The following SPATA19 variants were observed in gnomAD, a reference collection of about 807,000 sequenced individuals.
The protein encoded by SPATA19 is spermatogenesis-associated protein 19, mitochondrial.
A neutral mutation model predicts 25.0 loss-of-function variants in SPATA19; 19 were observed. The ratio of observed to expected loss-of-function variants is 0.76; its 90% confidence interval spans 0.53 to 1.11. The LOEUF (loss-of-function observed/expected upper bound fraction) is 1.11. SPATA19 is among the 50% of genes most tolerant of loss of function. The pLI is 0.00. For synonymous variants in SPATA19, 64 were observed against 69.3 expected (o/e 0.92, Z 0.38); for missense variants, 222 against 211.4 (o/e 1.05, Z -0.31).
rs1377463285 is a variant in SPATA19 at position 133,842,174 on chromosome 11, G to C, written c.438-69C>G. 5 of 1,481,364 alleles carry C rather than the reference G, an allele frequency of 3.4e-6. No homozygotes were observed. In the East Asian group the frequency reaches 6.8e-5, roughly 20 times the overall value. 91.8% of individuals were successfully genotyped at this position (1,481,364 alleles called of 1,614,324 possible). On this transcript the variant is annotated intron_variant, in intron 5 of 6. Coordinates refer to ENST00000299140, the MANE Select transcript of SPATA19 (RefSeq NM_174927.3). ...TGATAGCAGAGCCTACCCAGACCAC[G>C]GCACAGGGGCTGCGGTGGGAGGGCA...
At chr11:133,845,295 A>T in intron 1 of SPATA19, 74 bp downstream of exon 1, 1 of 1,413,906 alleles carries the variant, frequency 7.1e-7, no homozygotes, top group Non-Finnish European at 9.8e-7. Flanking sequence ...GATCTCTATG[A>T]AGTGCAGCAG....
Position 133,842,402 on chromosome 11 carries a change from G to T in SPATA19, c.437+83C>A, listed in dbSNP as rs530987917. 41 of 1,031,540 alleles carry T rather than the reference G, an allele frequency of 4.0e-5. No individual in the cohort carries two copies. The African/African-American group carries it at 5.8e-4, about 15-fold the overall frequency. 63.9% of individuals were successfully genotyped at this position (1,031,540 alleles called of 1,614,324 possible). Reference sequence around the variant, plus strand: ...GGCATACCAGAGATAGCATTGCTGGGTGTGGGCGGGAAACCCAGCAGTCAC... The same window carrying T: ...GGCATACCAGAGATAGCATTGCTGGTTGTGGGCGGGAAACCCAGCAGTCAC... On this transcript the variant is annotated intron_variant, in intron 5 of 6. Coordinates refer to ENST00000299140, the MANE Select transcript of SPATA19 (RefSeq NM_174927.3).
At position 133,845,482 on chromosome 11, in the gene SPATA19, T is replaced by G; in HGVS notation, c.-36A>C. 1 of 1,611,026 alleles carries G rather than the reference T, an allele frequency of 6.2e-7. No homozygotes were observed. The highest frequency in any genetic ancestry group is 8.5e-7 in the Non-Finnish European group (1 of 1,178,012). On this transcript the variant is annotated 5_prime_UTR_variant, in exon 1 of 7. Transcript: ENST00000299140. ...ATACCAGGCCCCCTTCTTGGCTCCC[T>G]CCTTCCATTGAAGCTGCCTGAGAAC...
intron 4 of SPATA19, among the ~76,000 whole-genome samples, chr11:133,843,280 G>C (rs771773166): frequency 6.6e-6 from 1 of 152,054 alleles, no homozygotes. Context: ...CACAATGTCC[G>C]CAATTCCATA....
At chr11:133,844,471 A>G (rs948428078) in intron 3 of SPATA19, 38 bp downstream of exon 3, 6 of 1,613,378 alleles carry the variant, frequency 3.7e-6, no homozygotes, top group Non-Finnish European at 4.2e-6. Flanking sequence ...CCTCTCCCTC[A>G]CCGCTACTCC....
At chr11:133,838,357 G>C (rs1052767416), downstream of SPATA19, among the ~76,000 whole-genome samples, 7 of 152,140 alleles carry the variant, frequency 4.6e-5, no homozygotes, top group Non-Finnish European at 8.8e-5. Flanking sequence ...AGGACTCATT[G>C]GTAGACTGGA....
chr11:133,842,731 T>C (rs1207952911), intron 4 of SPATA19, among the ~76,000 whole-genome samples, 169 bp from the exon 5 acceptor site: 2 of 152,128 alleles, frequency 1.3e-5, no homozygotes, highest in East Asian at 3.9e-4. Context: ...AGCTTTTTTT[T>C]ACTAACCAGG....
In SPATA19 at chr11:133,842,031, T is replaced by A. The variant is rs1210661771; in HGVS notation, c.*8A>T. 1.9e-6 allele frequency: 3 copies of A among 1,613,648 alleles called. No homozygotes were observed. The highest frequency in any genetic ancestry group is 2.5e-6 in the Non-Finnish European group (3 of 1,179,722). The stretch of plus-strand genomic sequence containing the variant: ...TTCCTCATCCGTCAGCTCTCTCACC[T>A]GTTGCTCTCAGCAGTCTGAGGAGGA... On this transcript the variant is annotated splice_region_variant and 3_prime_UTR_variant, in exon 6 of 7. Transcript: ENST00000299140.
rs776956755 is a variant in SPATA19, at chr11:133,842,123, G to A, written c.438-18C>T. The A allele has an allele frequency of 6.2e-7, 1 of 1,613,320 alleles. No homozygotes were observed. Among genetic ancestry groups the A allele is most frequent in the South Asian group, 1.1e-5 (1 of 91,072 alleles). ...GGGATATGCTGCAGGGGACAGAGGA[G>A]AAGGGCCAGGTGGAGGGAGGCTGCC... On this transcript the variant is annotated intron_variant, in intron 5 of 6. Transcript: ENST00000299140.
At chr11:133,836,918 CT>C (rs1938222967), downstream of SPATA19, among the ~76,000 whole-genome samples, 1 of 152,172 alleles carries the variant, frequency 6.6e-6, no homozygotes, top group African/African-American at 2.4e-5. Context: ...CAAAGTGACT[CT>C]GGTCAAGGTA....
rs531367211 is a variant in SPATA19 at position 133,842,517 on chromosome 11, G to A, written c.405C>T (p.Ile135=). 1 of 1,614,072 alleles carries A rather than the reference G, an allele frequency of 6.2e-7. No individual in the cohort carries two copies. Among genetic ancestry groups the A allele is most frequent in the Non-Finnish European group, 8.5e-7 (1 of 1,179,974 alleles). The change falls in exon 5 of 7, where the codon ATC becomes ATT. Residue 135 remains isoleucine, a synonymous_variant. Transcript: ENST00000299140. The part of the protein sequence containing the change: ...FQVPSEMTED[I]MRDRIEQVRR... The stretch of plus-strand genomic sequence containing the variant: ...TCACCTGCTCTATTCGATCTCGCAT[G>A]ATGTCCTCTGTCATCTCACTTGGCA...
At chr11:133,837,636 C>A (rs1008779880), downstream of SPATA19, among the ~76,000 whole-genome samples, 1 of 152,160 alleles carries the variant, frequency 6.6e-6, no homozygotes, top group Non-Finnish European at 1.5e-5. Context: ...CCAGACCCTC[C>A]CCTCTAGCCT....
rs200874627 is a variant in SPATA19, at chr11:133,845,382, G to T, written c.65C>A (p.Pro22Gln). The T allele has an allele frequency of 1.2e-6, 2 of 1,612,730 alleles. No homozygotes were observed. Among genetic ancestry groups the T allele is most frequent in the African/African-American group, 2.7e-5 (2 of 74,864 alleles). Reference protein sequence around the residue: ...ARKGVGLPFLPITSSDIDVVE... With the variant: ...ARKGVGLPFLQITSSDIDVVE... Reference sequence around the variant, plus strand: ...CAAGCTGCTTACCGAACTGGTTATTGGTAGGAAGGGAAGCCCTACACCTTT... The same window carrying T: ...CAAGCTGCTTACCGAACTGGTTATTTGTAGGAAGGGAAGCCCTACACCTTT... The change falls in exon 1 of 7, where the codon CCA becomes CAA. Residue 22 changes from proline (P) to glutamine (Q), a missense_variant. Physicochemically the swap from Pro to Gln is moderately conservative, Grantham distance 76. Transcript: ENST00000299140.
downstream of SPATA19, among the ~76,000 whole-genome samples, chr11:133,839,118 C>T (rs375091168): frequency 1.6e-3 from 251 of 152,184 alleles, 2 homozygotes; most frequent in East Asian, 7.5e-3. Context: ...TGGAAGTCAG[C>T]GTGGCGATTC....
chr11:133,841,398 G>A (rs1436334850), intron 6 of SPATA19, among the ~76,000 whole-genome samples: 1 of 152,198 alleles, frequency 6.6e-6, no homozygotes, highest in Non-Finnish European at 1.5e-5. Flanking sequence ...AGCATGCTGA[G>A]GTCGCTGTGC....
chr11:133,840,392 A>G (rs1300437689), downstream of SPATA19, among the ~76,000 whole-genome samples: 1 of 152,266 alleles, frequency 6.6e-6, no homozygotes, highest in South Asian at 2.1e-4. Context: ...TGCAGATAAC[A>G]TAAATGTCTG....
intron 6 of SPATA19, 125 bp downstream of exon 6, chr11:133,841,905 G>T: frequency 1.1e-6 from 1 of 912,818 alleles, no homozygotes; most frequent in Non-Finnish European, 1.8e-6. Flanking sequence ...CTGGCCCTGA[G>T]TGCAGGCCCT....
At chr11:133,839,089 TGAACTAGTTCAACCATTG>T (rs1938256784), downstream of SPATA19, among the ~76,000 whole-genome samples, 1 of 152,210 alleles carries the variant, frequency 6.6e-6, no homozygotes, top group Admixed American at 6.5e-5. Context: ...AGTGGGACTG[TGAACTAGTTCAACCATTG>T]TGGAAGTCAG....
chr11:133,843,312 A>C (rs1192118418), intron 4 of SPATA19, among the ~76,000 whole-genome samples: 2 of 152,192 alleles, frequency 1.3e-5, no homozygotes, highest in African/African-American at 4.8e-5. Context: ...TCAGGCACAG[A>C]AAAGCCTGGA....
Sources: gnomAD v4.1 joint callset for allele counts (sites outside exome capture counted in the v4.1 genomes callset) on GRCh38, gnomAD v4.1.1 for gene constraint, MANE v1.5 for transcripts, NCBI Gene and HGNC (gene_info 2026-07-23, HGNC 2026-07-21) for gene names.